The following HAPLN1 variants were observed in gnomAD, a reference collection of about 807,000 sequenced individuals.
HAPLN1 encodes hyaluronan and proteoglycan link protein 1, also known as Cartilage link protein.
In HAPLN1, 13 loss-of-function variants were observed where a neutral mutation model predicts 36.5. The observed-to-expected ratio is 0.36, with a 90% CI of 0.23 to 0.57. The LOEUF is 0.57. Among genes scored for constraint, HAPLN1 ranks in the 20% least tolerant of loss-of-function variants. HAPLN1 has a pLI of 0.83. For synonymous variants in HAPLN1, 202 were observed against 169.8 expected (o/e 1.19, Z -1.48); for missense variants, 407 against 439.7 (o/e 0.93, Z 0.66).
intron 1 of HAPLN1, among the ~76,000 whole-genome samples, chr5:83,711,215 A>C (rs763931488): frequency 2.0e-5 from 3 of 152,168 alleles, no homozygotes; most frequent in Non-Finnish European, 4.4e-5. Flanking sequence ...TCTATTTTCC[A>C]TGTGAATTAG....
At chr5:83,714,940 A>C (rs916332638) in intron 1 of HAPLN1, among the ~76,000 whole-genome samples, 2 of 152,238 alleles carry the variant, frequency 1.3e-5, no homozygotes, top group Non-Finnish European at 2.9e-5. Context: ...AAGGGAAGAG[A>C]GATCTGTCTG....
chr5:83,670,150 A>G (rs1750666097), intron 2 of HAPLN1, among the ~76,000 whole-genome samples: 1 of 152,226 alleles, frequency 6.6e-6, no homozygotes, highest in African/African-American at 2.4e-5. Flanking sequence ...CTAAAATTCT[A>G]TGGTAGTTGA....
chr5:83,673,166 A>T (rs535915844), intron 2 of HAPLN1, among the ~76,000 whole-genome samples: 1 of 152,336 alleles, frequency 6.6e-6, no homozygotes, highest in East Asian at 1.9e-4. Context: ...TAGCAACTGC[A>T]CTTAACAGCC....
intron 1 of HAPLN1, among the ~76,000 whole-genome samples, chr5:83,690,790 A>G (rs1168424657): frequency 6.6e-6 from 1 of 152,058 alleles, no homozygotes; most frequent in Non-Finnish European, 1.5e-5. Flanking sequence ...ATTCAGGCAT[A>G]TTATTATGAT....
chr5:83,691,798 A>C (rs892334459), intron 1 of HAPLN1, among the ~76,000 whole-genome samples: 5 of 152,110 alleles, frequency 3.3e-5, no homozygotes, highest in African/African-American at 1.2e-4. Context: ...GGGCAGACCC[A>C]GAAATTATAA....
intron 2 of HAPLN1, among the ~76,000 whole-genome samples, chr5:83,656,410 C>T (rs538123625): frequency 7.0e-4 from 102 of 146,448 alleles, no homozygotes; most frequent in Middle Eastern, 3.6e-3. Flanking sequence ...AAAAATAAAC[C>T]TTGATCATTA....
At chr5:83,650,115 G>A (rs1327222827) in intron 3 of HAPLN1, among the ~76,000 whole-genome samples, 2 of 152,110 alleles carry the variant, frequency 1.3e-5, no homozygotes, top group African/African-American at 4.8e-5. Flanking sequence ...GAATGCTCCT[G>A]TTTTTTTAAA....
intron 2 of HAPLN1, among the ~76,000 whole-genome samples, chr5:83,669,434 G>T (rs184563979): frequency 6.6e-6 from 1 of 152,192 alleles, no homozygotes; most frequent in South Asian, 2.1e-4. Flanking sequence ...GGGAGGCAGA[G>T]GTTGCAGTGA....
chr5:83,691,282 G>C (rs1751265555), intron 1 of HAPLN1, among the ~76,000 whole-genome samples: 1 of 151,962 alleles, frequency 6.6e-6, no homozygotes, highest in Non-Finnish European at 1.5e-5. Flanking sequence ...GGAAAGGAGA[G>C]AGTGACACAG....
chr5:83,707,711 G>A (rs926809143), intron 1 of HAPLN1, among the ~76,000 whole-genome samples: 12 of 152,074 alleles, frequency 7.9e-5, no homozygotes, highest in African/African-American at 2.4e-4. Flanking sequence ...AAGCAATCAC[G>A]ACAAGAGCAA....
intron 1 of HAPLN1, among the ~76,000 whole-genome samples, chr5:83,716,724 T>A (rs1223978693): frequency 2.0e-5 from 3 of 152,148 alleles, no homozygotes; most frequent in Non-Finnish European, 4.4e-5. Flanking sequence ...AAACTTCTTG[T>A]AACATGGCAG....
intron 3 of HAPLN1, among the ~76,000 whole-genome samples, chr5:83,645,066 T>A (rs1041224451): frequency 5.3e-5 from 8 of 152,190 alleles, no homozygotes; most frequent in Admixed American, 1.3e-4. Context: ...TATTGAATAC[T>A]AAGAGTTGGT....
intron 1 of HAPLN1, among the ~76,000 whole-genome samples, chr5:83,684,252 G>A (rs1289978241): frequency 6.6e-6 from 1 of 152,068 alleles, no homozygotes; most frequent in African/African-American, 2.4e-5. Flanking sequence ...GCCAAATGAA[G>A]CTGTCATTCA....
intron 1 of HAPLN1, among the ~76,000 whole-genome samples, chr5:83,676,235 C>T (rs941944507): frequency 8.1e-6 from 1 of 122,838 alleles, no homozygotes; most frequent in Non-Finnish European, 1.8e-5. Context: ...CGCACACATA[C>T]ACAGAGATAC....
intron 1 of HAPLN1, among the ~76,000 whole-genome samples, chr5:83,718,152 C>T (rs1034878548): frequency 5.9e-5 from 9 of 152,210 alleles, no homozygotes; most frequent in African/African-American, 1.7e-4. Flanking sequence ...CTTGTGGAGG[C>T]GGAAAGTTAA....
chr5:83,670,886 G>A (rs981960630), intron 2 of HAPLN1, among the ~76,000 whole-genome samples: 1 of 152,054 alleles, frequency 6.6e-6, no homozygotes, highest in South Asian at 2.1e-4. Flanking sequence ...GTAGAGACGG[G>A]GTTTCACCAT....
chr5:83,662,344 T>G (rs1752939755), intron 2 of HAPLN1, among the ~76,000 whole-genome samples: 1 of 152,266 alleles, frequency 6.6e-6, no homozygotes, highest in Non-Finnish European at 1.5e-5. Flanking sequence ...TTAATTCTGA[T>G]GTAACTTGTT....
intron 2 of HAPLN1, among the ~76,000 whole-genome samples, chr5:83,664,768 T>G (rs1750509345): frequency 6.6e-6 from 1 of 152,204 alleles, no homozygotes; most frequent in Non-Finnish European, 1.5e-5. Context: ...TAATGAGTTA[T>G]AAGAAAAAAG....
In HAPLN1 at chr5:83,708,569, G is replaced by C. The variant is rs183050336; in HGVS notation, c.-27+12220C>G. Among the ~76,000 whole-genome samples the C allele has an allele frequency of 4.0e-3, 614 of 152,206 alleles. 1 individual carries two copies. Among genetic ancestry groups the C allele is most frequent in the Non-Finnish European group, 6.4e-3 (435 of 68,018 alleles). On this transcript the variant is annotated intron_variant, in intron 1 of 4. Coordinates refer to ENST00000274341, the MANE Select transcript of HAPLN1 (RefSeq NM_001884.4). ...GACAATGGGGTCTGTTGAGGGTGGA[G>C]GTTGGGAAGAGGGAAAAGAGCAGAA...
Sources: gnomAD v4.1 joint callset for allele counts (sites outside exome capture counted in the v4.1 genomes callset) on GRCh38, gnomAD v4.1.1 for gene constraint, MANE v1.5 for transcripts, NCBI Gene and HGNC (gene_info 2026-07-23, HGNC 2026-07-21) for gene names.